MOB3B: variants seen among roughly 807,000 people sequenced by gnomAD.
The protein encoded by MOB3B is MOB kinase activator 3B.
MOB3B carries 7 observed loss-of-function variants against 18.7 expected under a neutral mutation model. The ratio of observed to expected loss-of-function variants is 0.37; its 90% confidence interval spans 0.21 to 0.70. MOB3B has a LOEUF of 0.70. Among genes scored for constraint, MOB3B ranks in the 30% least tolerant of loss-of-function variants. The pLI is 0.52. For missense variants in MOB3B, 253 were observed against 281.3 expected (o/e 0.90, Z 0.72); for synonymous variants, 111 against 99.9 (o/e 1.11, Z -0.66).
chr9:27,489,303 C>T (rs1412189817), intron 1 of MOB3B, among the ~76,000 whole-genome samples: 2 of 152,336 alleles, frequency 1.3e-5, no homozygotes, highest in East Asian at 1.9e-4. Context: ...CCCTCAGTCC[C>T]AGGCAGTCCT....
At chr9:27,522,420 CATATATATATAT>C (rs66472709) in intron 1 of MOB3B, among the ~76,000 whole-genome samples, 1 of 141,388 alleles carries the variant, frequency 7.1e-6, no homozygotes, top group Non-Finnish European at 1.5e-5. Context: ...GACATTTTTT[CATATATATATAT>C]ATATATATAT....
At chr9:27,380,526 C>T (rs575371414) in intron 2 of MOB3B, among the ~76,000 whole-genome samples, 1 of 152,238 alleles carries the variant, frequency 6.6e-6, no homozygotes, top group South Asian at 2.1e-4. Context: ...TGTGAGCCAC[C>T]ACGCCCCGCC....
chr9:27,374,964 G>C (rs1226689411), intron 2 of MOB3B, among the ~76,000 whole-genome samples: 1 of 152,232 alleles, frequency 6.6e-6, no homozygotes, highest in Non-Finnish European at 1.5e-5. Flanking sequence ...CTTCTGGCTA[G>C]GTGGCCTTCC....
At chr9:27,387,031 G>A (rs772452617) in intron 2 of MOB3B, among the ~76,000 whole-genome samples, 26 of 152,120 alleles carry the variant, frequency 1.7e-4, no homozygotes, top group Admixed American at 3.3e-4. Context: ...TTGCTTCTGC[G>A]TACCAAAATA....
At chr9:27,500,945 A>G (rs972125383) in intron 1 of MOB3B, among the ~76,000 whole-genome samples, 4 of 152,236 alleles carry the variant, frequency 2.6e-5, no homozygotes, top group African/African-American at 9.6e-5. Context: ...AAAGGATATG[A>G]ACAGACACTT....
At chr9:27,463,305 G>A (rs775870496) in intron 1 of MOB3B, among the ~76,000 whole-genome samples, 25 of 151,930 alleles carry the variant, frequency 1.6e-4, no homozygotes, top group Non-Finnish European at 3.4e-4. Context: ...CCTAATTTAC[G>A]CTTAAGGAAA....
chr9:27,386,202 T>A (rs374329886), intron 2 of MOB3B, among the ~76,000 whole-genome samples: 9 of 152,232 alleles, frequency 5.9e-5, no homozygotes, highest in African/African-American at 1.9e-4. Context: ...GACTTCTCTT[T>A]TTAAGCCTGT....
At chr9:27,422,815 A>G (rs1170817792) in intron 2 of MOB3B, among the ~76,000 whole-genome samples, 1 of 152,268 alleles carries the variant, frequency 6.6e-6, no homozygotes, top group Non-Finnish European at 1.5e-5. Flanking sequence ...CTTTAAAATT[A>G]TTAAATGTAC....
chr9:27,476,028 A>AT (rs1457846988), intron 1 of MOB3B, among the ~76,000 whole-genome samples: 1 of 152,118 alleles, frequency 6.6e-6, no homozygotes, highest in Non-Finnish European at 1.5e-5. Context: ...ATAAAAACAA[A>AT]TGTTGCTATA....
At chr9:27,514,005 T>C (rs556879635) in intron 1 of MOB3B, among the ~76,000 whole-genome samples, 10 of 152,226 alleles carry the variant, frequency 6.6e-5, no homozygotes, top group Middle Eastern at 6.8e-3. Flanking sequence ...GAACCATCCA[T>C]GAGAAACCGT....
intron 1 of MOB3B, among the ~76,000 whole-genome samples, chr9:27,474,387 T>C (rs982396627): frequency 6.6e-6 from 1 of 152,218 alleles, no homozygotes. Context: ...AAGTGGAACT[T>C]CCCTAGACAT....
chr9:27,369,136 G>C (rs1821380431), intron 2 of MOB3B, among the ~76,000 whole-genome samples: 1 of 152,176 alleles, frequency 6.6e-6, no homozygotes, highest in Non-Finnish European at 1.5e-5. Flanking sequence ...CATTGGTTCT[G>C]GAAAGTCAGG....
chr9:27,477,899 G>T (rs1011317203), intron 1 of MOB3B, among the ~76,000 whole-genome samples: 2 of 152,196 alleles, frequency 1.3e-5, no homozygotes, highest in Non-Finnish European at 2.9e-5. Flanking sequence ...AAGGTAAGAT[G>T]CTGGAACTGA....
At chr9:27,435,816 G>C (rs918842769) in intron 2 of MOB3B, among the ~76,000 whole-genome samples, 3 of 152,106 alleles carry the variant, frequency 2.0e-5, no homozygotes, top group African/African-American at 7.2e-5. Context: ...GGCCAGGCTG[G>C]TCTTGAACTC....
chr9:27,419,018 C>T (rs930124507), intron 2 of MOB3B, among the ~76,000 whole-genome samples: 11 of 142,770 alleles, frequency 7.7e-5, no homozygotes, highest in Middle Eastern at 3.9e-3. Flanking sequence ...TGCGACCAAG[C>T]GGGGAATCAA....
chr9:27,483,370 G>C (rs1160613227), intron 1 of MOB3B, among the ~76,000 whole-genome samples: 1 of 152,052 alleles, frequency 6.6e-6, no homozygotes, highest in Non-Finnish European at 1.5e-5. Context: ...CTGACTTTGT[G>C]ATCCGCCCGC....
chr9:27,496,700 A>T (rs1199537319), intron 1 of MOB3B, among the ~76,000 whole-genome samples: 1 of 152,240 alleles, frequency 6.6e-6, no homozygotes, highest in Non-Finnish European at 1.5e-5. Context: ...AAGCAGTCCA[A>T]CATATTAGTC....
intron 1 of MOB3B, among the ~76,000 whole-genome samples, chr9:27,466,636 G>C (rs1186658008): frequency 6.6e-6 from 1 of 152,158 alleles, no homozygotes; most frequent in Non-Finnish European, 1.5e-5. Flanking sequence ...CCACATGGTT[G>C]GGGAGGCCTC....
chr9:27,389,852 G>A (rs1382224730), intron 2 of MOB3B, among the ~76,000 whole-genome samples: 2 of 151,926 alleles, frequency 1.3e-5, no homozygotes, highest in African/African-American at 2.4e-5. Flanking sequence ...GACCGAGACC[G>A]AGGAGACATC....
Sources: gnomAD v4.1 joint callset for allele counts (sites outside exome capture counted in the v4.1 genomes callset) on GRCh38, gnomAD v4.1.1 for gene constraint, MANE v1.5 for transcripts, NCBI Gene and HGNC (gene_info 2026-07-23, HGNC 2026-07-21) for gene names.